MIPOL1: variants seen among roughly 807,000 people sequenced by gnomAD.
MIPOL1 encodes the protein mirror-image polydactyly gene 1 protein.
MIPOL1 carries 57 observed loss-of-function variants against 60.9 expected under a neutral mutation model. That is an observed-to-expected ratio of 0.94 (90% CI 0.76 to 1.17). MIPOL1 has a LOEUF of 1.17. Among genes scored for constraint, MIPOL1 ranks in the 50% most tolerant of loss-of-function variants. The pLI, the probability that MIPOL1 is intolerant of heterozygous loss-of-function variation, is 0.00. For missense variants in MIPOL1, 551 were observed against 511.6 expected (o/e 1.08, Z -0.74); for synonymous variants, 179 against 168.8 (o/e 1.06, Z -0.47).
intron 10 of MIPOL1, among the ~76,000 whole-genome samples, chr14:37,419,366 A>G (rs939732196): frequency 2.2e-4 from 34 of 152,196 alleles, no homozygotes; most frequent in Admixed American, 1.5e-3. Context: ...ATTGACTCCA[A>G]TGTTGCACAA....
intron 9 of MIPOL1, among the ~76,000 whole-genome samples, chr14:37,340,223 A>G (rs1261653725): frequency 6.6e-6 from 1 of 151,992 alleles, no homozygotes; most frequent in Admixed American, 6.6e-5. Context: ...CCCTAGGTTA[A>G]TGTGTGTGTT....
intron 10 of MIPOL1, among the ~76,000 whole-genome samples, chr14:37,398,000 C>T (rs1214962245): frequency 6.6e-6 from 1 of 152,092 alleles, no homozygotes; most frequent in East Asian, 1.9e-4. Flanking sequence ...GCTTCTTGCC[C>T]CATTTAAATT....
intron 10 of MIPOL1, among the ~76,000 whole-genome samples, chr14:37,405,499 C>G (rs774157162): frequency 6.6e-6 from 1 of 151,982 alleles, no homozygotes; most frequent in African/African-American, 2.4e-5. Flanking sequence ...TGAAATCTTG[C>G]TTGGTTTATT....
At chr14:37,251,030 T>C (rs1298892849) in intron 3 of MIPOL1, among the ~76,000 whole-genome samples, 1 of 152,112 alleles carries the variant, frequency 6.6e-6, no homozygotes, top group Non-Finnish European at 1.5e-5. Flanking sequence ...GGCTGGGTGA[T>C]GACATCTACA....
intron 11 of MIPOL1, among the ~76,000 whole-genome samples, chr14:37,445,833 T>C (rs1047200173): frequency 6.6e-6 from 1 of 152,228 alleles, no homozygotes; most frequent in South Asian, 2.1e-4. Flanking sequence ...AAGGATTCCC[T>C]GTTTAATAAA....
At chr14:37,442,767 A>G (rs1435172978) in intron 11 of MIPOL1, among the ~76,000 whole-genome samples, 1 of 152,048 alleles carries the variant, frequency 6.6e-6, no homozygotes, top group Non-Finnish European at 1.5e-5. Flanking sequence ...TTTGGGATAA[A>G]TGTAAGAAAA....
chr14:37,437,638 G>C (rs2094182613), intron 11 of MIPOL1, among the ~76,000 whole-genome samples: 1 of 152,138 alleles, frequency 6.6e-6, no homozygotes, highest in African/African-American at 2.4e-5. Flanking sequence ...ACCACAGTAA[G>C]ACAGATGGTG....
In MIPOL1 at chr14:37,515,186, T is replaced by A. The variant is rs115306371; in HGVS notation, c.1262+15048T>A. On this transcript the variant is annotated intron_variant, in intron 12 of 12. Coordinates refer to ENST00000684589, the MANE Select transcript of MIPOL1 (RefSeq NM_001388067.1). ...AAGGAGAAAAAACTTTCCATAACAA[T>A]ATTGAATATAATTACAGCTGAAGCA... Among the ~76,000 whole-genome samples, 1,052 of 152,178 alleles carry A rather than the reference T, an allele frequency of 6.9e-3. 12 individuals are homozygous for A. The highest frequency in any genetic ancestry group is 0.024 in the African/African-American group (1,014 of 41,512).
Position 37,467,976 on chromosome 14 carries a change from C to T in MIPOL1, c.1032-31932C>T, listed in dbSNP as rs143604599. On this transcript the variant is annotated intron_variant, in intron 11 of 12. Coordinates refer to ENST00000684589, the MANE Select transcript of MIPOL1 (RefSeq NM_001388067.1). ...GGCTGAGGCAGGAGAATCACTTCAA[C>T]CCGGCAGGCAGAGGTTGTAGTGAGC... 9.7e-3 allele frequency among the ~76,000 whole-genome samples: 1,472 copies of T among 151,592 alleles called. 10 individuals are homozygous for T. Among genetic ancestry groups the T allele is most frequent in the Non-Finnish European group, 0.015 (1,001 of 67,898 alleles).
intron 1 of MIPOL1, among the ~76,000 whole-genome samples, chr14:37,243,039 C>A (rs949589646): frequency 1.3e-5 from 2 of 152,136 alleles, no homozygotes; most frequent in African/African-American, 4.8e-5. Flanking sequence ...AGAAGACCAG[C>A]ATGACTGGAG....
At chr14:37,446,115 C>T (rs1307574777) in intron 11 of MIPOL1, among the ~76,000 whole-genome samples, 1 of 152,170 alleles carries the variant, frequency 6.6e-6, no homozygotes, top group Non-Finnish European at 1.5e-5. Flanking sequence ...GCAAAAGACA[C>T]TACCATCAGA....
At position 37,270,429 on chromosome 14, in the gene MIPOL1, A is replaced by G; in HGVS notation, c.397A>G (p.Lys133Glu). 6.4e-7 allele frequency: 1 copy of G among 1,570,600 alleles called. No homozygotes were observed. Among genetic ancestry groups the G allele is most frequent in the Middle Eastern group, 1.7e-4 (1 of 5,814 alleles). Residue 133 changes from lysine (K) to glutamate (E), a missense_variant, in exon 6 of 13, where the codon AAA becomes GAA. By Grantham distance (56) the Lys-to-Glu change is moderately conservative. Transcript: ENST00000684589. ...TTTCAATGTGCTTTAGCTTCAGCAGAAATTGGCTAAAGAAGATAAAGAACA... is the reference window on the plus strand; with the variant it reads ...TTTCAATGTGCTTTAGCTTCAGCAGGAATTGGCTAAAGAAGATAAAGAACA... ...LRTSNKKLQQ[K>E]LAKEDKEQRK...
At chr14:37,215,721 T>A (rs1052749812) in intron 1 of MIPOL1, among the ~76,000 whole-genome samples, 2 of 152,170 alleles carry the variant, frequency 1.3e-5, no homozygotes, top group Non-Finnish European at 2.9e-5. Context: ...CAAGACCTGT[T>A]AATCTGTTGC....
At chr14:37,221,778 G>A (rs886551559) in intron 1 of MIPOL1, among the ~76,000 whole-genome samples, 1 of 152,132 alleles carries the variant, frequency 6.6e-6, no homozygotes, top group Admixed American at 6.5e-5. Context: ...ACAGTTGCAC[G>A]TAAGATTTGG....
chr14:37,327,206 C>T (rs1055701314), intron 9 of MIPOL1, among the ~76,000 whole-genome samples: 2 of 152,076 alleles, frequency 1.3e-5, no homozygotes, highest in Non-Finnish European at 2.9e-5. Flanking sequence ...TAAAACTATG[C>T]AGTGTGTGGA....
chr14:37,240,848 A>G (rs1352044549), intron 1 of MIPOL1, among the ~76,000 whole-genome samples: 1 of 152,104 alleles, frequency 6.6e-6, no homozygotes, highest in Non-Finnish European at 1.5e-5. Context: ...GAAGCCATAT[A>G]TTTGAAGCAC....
At chr14:37,551,892 TA>T (rs1177029658), downstream of MIPOL1, 1 of 145,490 alleles carries the variant, frequency 6.9e-6, no homozygotes, top group African/African-American at 2.6e-5. Context: ...ATAATAATAA[TA>T]ATAATAATAA....
chr14:37,309,393 C>G (rs2087097740), intron 9 of MIPOL1, among the ~76,000 whole-genome samples: 1 of 152,092 alleles, frequency 6.6e-6, no homozygotes, highest in African/African-American at 2.4e-5. Context: ...TTCTATGTCA[C>G]TTCTCTTGTT....
At chr14:37,495,479 C>T (rs1434501729) in intron 11 of MIPOL1, among the ~76,000 whole-genome samples, 2 of 150,686 alleles carry the variant, frequency 1.3e-5, no homozygotes, top group Admixed American at 6.6e-5. Flanking sequence ...TTTATGGCTG[C>T]ATAGTATCCC....
Sources: gnomAD v4.1 joint callset for allele counts (sites outside exome capture counted in the v4.1 genomes callset) on GRCh38, gnomAD v4.1.1 for gene constraint, MANE v1.5 for transcripts, NCBI Gene and HGNC (gene_info 2026-07-23, HGNC 2026-07-21) for gene names.